The following TVP23C variants were observed in gnomAD, a reference collection of about 807,000 sequenced individuals.
TVP23C encodes Golgi apparatus membrane protein TVP23 homolog C.
Under a neutral mutation model 28.7 loss-of-function variants are expected in TVP23C, and 19 were observed. That is an observed-to-expected ratio of 0.66 (90% CI 0.46 to 0.97). The LOEUF is 0.97. Among genes scored for constraint, TVP23C ranks in the 50% least tolerant of loss-of-function variants. TVP23C has a pLI of 0.00. For missense variants in TVP23C, 186 were observed against 241.3 expected, an observed-to-expected ratio of 0.77 and a Z score of 1.52; for synonymous variants, 68 against 81.7, an observed-to-expected ratio of 0.83 and a Z score of 0.90.
intron 5 of TVP23C, among the ~76,000 whole-genome samples, chr17:15,513,081 C>A (rs557650309): frequency 6.6e-6 from 1 of 152,284 alleles, no homozygotes; most frequent in Admixed American, 6.5e-5. Flanking sequence ...CACTCCTGGG[C>A]CCCTTCTCTT....
At chr17:15,558,866 AT>A (rs564958078) in intron 1 of TVP23C, among the ~76,000 whole-genome samples, 4,495 of 133,056 alleles carry the variant, frequency 0.034, 215 homozygotes, top group African/African-American at 0.1. Flanking sequence ...CAGACTGGCC[AT>A]TTTTTTTTTT....
downstream of TVP23C, among the ~76,000 whole-genome samples, chr17:15,536,267 T>C (rs1597527142): frequency 6.6e-6 from 1 of 152,186 alleles, no homozygotes; most frequent in African/African-American, 2.4e-5. Flanking sequence ...CTACCTCATT[T>C]CTCTGCCATT....
chr17:15,552,909 GCTTA>G (rs1431246615), intron 3 of TVP23C, among the ~76,000 whole-genome samples: 78 of 149,992 alleles, frequency 5.2e-4, no homozygotes, highest in African/African-American at 1.8e-3. Context: ...ATTTTATTAT[GCTTA>G]CTTATCTATT....
At chr17:15,502,847 A>C in exon 6 of TVP23C, 1 of 1,548,326 alleles carries the variant, frequency 6.5e-7, no homozygotes, top group Non-Finnish European at 8.7e-7. Flanking sequence ...GAGGAGCTTC[A>C]GATTTGTGGG....
chr17:15,539,717 A>C lies in TVP23C; in HGVS notation c.*695T>G, dbSNP rs1187349824. 12 of 985,304 alleles carry C rather than the reference A, an allele frequency of 1.2e-5. No individual in the cohort carries two copies. The Admixed American group carries it at 7.4e-4, about 61-fold the overall frequency. 61.0% of individuals were successfully genotyped at this position (985,304 alleles called of 1,614,324 possible). A position where few individuals can be genotyped will look rare whatever the true frequency, so the allele number is the denominator to read the frequency against. On this transcript the variant is annotated 3_prime_UTR_variant, in exon 6 of 6. Transcript: ENST00000518321. ...ACCCTGATGTTGAGGTATTATAGTA[A>C]AATCCTTATGTTCTAGGGGGAAAAA... is the stretch of plus-strand genomic sequence containing the variant.
chr17:15,561,320 C>A (rs375466534), intron 1 of TVP23C, among the ~76,000 whole-genome samples: 1 of 152,194 alleles, frequency 6.6e-6, no homozygotes, highest in Non-Finnish European at 1.5e-5. Context: ...AACAGTCGGC[C>A]GGGCCTGGCG....
rs1983282438 is a variant in TVP23C, at chr17:15,538,981, A to C, written c.*1431T>G. ...GTACAGTAGAATAAAAAGAACAATA[A>C]ATTTTGAGTACAGAGGGCTGGGTTT... On this transcript the variant is annotated 3_prime_UTR_variant, in exon 6 of 6. Transcript: ENST00000518321. 2 of 985,624 alleles carry C rather than the reference A, an allele frequency of 2.0e-6. No individual in the cohort carries two copies. The highest frequency in any genetic ancestry group is 4.7e-5 in the South Asian group (1 of 21,280). The allele number at this position is 985,624 out of a possible 1,614,324, so 61.1% of individuals were successfully genotyped here.
intron 5 of TVP23C, chr17:15,503,356 G>T (rs1981575926): frequency 6.6e-6 from 8 of 1,221,354 alleles, no homozygotes; most frequent in Non-Finnish European, 8.8e-6. Context: ...AATGAGCTGT[G>T]ACCACGCCAC....
In TVP23C at chr17:15,530,165, AG is replaced by A. The variant is rs559045504; in HGVS notation, c.462+15619del. Among the ~76,000 whole-genome samples, 16 of 152,310 alleles carry A rather than the reference AG, an allele frequency of 1.1e-4. No homozygotes were observed. In the East Asian group the frequency reaches 2.9e-3, roughly 28 times the overall value. Reference sequence around the variant, plus strand: ...CTAATATAATTACTGATAAGGTGGGAGTCACTTGTGGGATATCTGCTCTTTT... The same window carrying A: ...CTAATATAATTACTGATAAGGTGGGATCACTTGTGGGATATCTGCTCTTTT... On this transcript the variant is annotated intron_variant, in intron 5 of 5. Transcript: ENST00000225576.
At chr17:15,511,028 T>C (rs1382282469) in intron 5 of TVP23C, among the ~76,000 whole-genome samples, 2 of 115,456 alleles carry the variant, frequency 1.7e-5, no homozygotes, top group Admixed American at 2.4e-4. Flanking sequence ...CACTCCAGCC[T>C]GGGTGACAGG....
chr17:15,527,570 T>C (rs550801869), intron 5 of TVP23C, among the ~76,000 whole-genome samples: 2 of 152,210 alleles, frequency 1.3e-5, no homozygotes, highest in African/African-American at 2.4e-5. Flanking sequence ...CTTGGGACTA[T>C]ACTGAACATT....
At chr17:15,545,176 A>G (rs1567641229) in intron 5 of TVP23C, among the ~76,000 whole-genome samples, 1 of 152,170 alleles carries the variant, frequency 6.6e-6, no homozygotes, top group Non-Finnish European at 1.5e-5. Flanking sequence ...AAGCAATGCT[A>G]TGACATCTTA....
chr17:15,554,140 A>C (rs1026044700), intron 2 of TVP23C, among the ~76,000 whole-genome samples: 3 of 152,170 alleles, frequency 2.0e-5, no homozygotes, highest in African/African-American at 7.2e-5. Flanking sequence ...GTATCTTAGA[A>C]TTTGAATCCT....
chr17:15,554,420 G>A (rs563660009), intron 2 of TVP23C, among the ~76,000 whole-genome samples: 1 of 151,948 alleles, frequency 6.6e-6, no homozygotes, highest in East Asian at 1.9e-4. Context: ...TGTATTTTTA[G>A]TAGAGATGGG....
Position 15,545,685 on chromosome 17 carries a change from A to G in TVP23C, c.462+100T>C. The G allele has an allele frequency of 2.0e-6, 3 of 1,469,932 alleles. No homozygotes were observed. The East Asian group carries it at 6.9e-5, about 34-fold the overall frequency. The allele number at this position is 1,469,932 out of a possible 1,614,324, so 91.1% of individuals were successfully genotyped here. On this transcript the variant is annotated intron_variant, in intron 5 of 5. Transcript: ENST00000518321. ...TACATGATGAAGCTGCCTATTCAAG[A>G]TAGGTCCCTAATGATAAGGACTCAG...
intron 1 of TVP23C, among the ~76,000 whole-genome samples, chr17:15,555,694 G>A (rs1164550151): frequency 6.6e-6 from 1 of 152,052 alleles, no homozygotes; most frequent in Non-Finnish European, 1.5e-5. Flanking sequence ...AGAGCAAGCC[G>A]AGGCTACTGG....
intron 5 of TVP23C, among the ~76,000 whole-genome samples, chr17:15,506,123 G>A (rs942536016): frequency 4.6e-5 from 7 of 152,274 alleles, no homozygotes; most frequent in African/African-American, 1.2e-4. Context: ...CCCGGTGCGG[G>A]ATCCACTAGG....
At chr17:15,510,140 T>C (rs1010088977) in intron 5 of TVP23C, among the ~76,000 whole-genome samples, 1 of 152,170 alleles carries the variant, frequency 6.6e-6, no homozygotes, top group Non-Finnish European at 1.5e-5. Flanking sequence ...TGTGTTTGAT[T>C]TGCAGCAAGC....
intron 5 of TVP23C, among the ~76,000 whole-genome samples, chr17:15,518,851 C>G (rs1982346027): frequency 6.6e-6 from 1 of 152,152 alleles, no homozygotes; most frequent in South Asian, 2.1e-4. Flanking sequence ...TGTGACCTCA[C>G]TCAAATCTCA....
Sources: gnomAD v4.1 joint callset for allele counts (sites outside exome capture counted in the v4.1 genomes callset) on GRCh38, gnomAD v4.1.1 for gene constraint, MANE v1.5 for transcripts, NCBI Gene and HGNC (gene_info 2026-07-23, HGNC 2026-07-21) for gene names.